MAP3K3: variants seen among roughly 807,000 people sequenced by gnomAD.
MAP3K3 encodes the protein mitogen-activated protein kinase kinase kinase 3, also known as MAP/ERK kinase kinase 3.
Under a neutral mutation model 80.9 loss-of-function variants are expected in MAP3K3, and 12 were observed. The ratio of observed to expected loss-of-function variants is 0.15; its 90% CI spans 0.10 to 0.24. The LOEUF is 0.24. Ranked by LOEUF, MAP3K3 falls within the 10% of genes least tolerant of loss-of-function variation. The pLI, the probability that MAP3K3 is intolerant of heterozygous loss-of-function variation, is 1.00. For synonymous variants in MAP3K3, 272 were observed against 307.1 expected (o/e 0.89, Z 1.19); for missense variants, 596 against 834.7 (o/e 0.71, Z 3.52).
chr17:63,691,750 G>T lies in MAP3K3; in HGVS notation c.1362G>T (p.Gln454His). ...EYMPGGSVKD[Q>H]LKAYGALTES... ...GCCTCCAGGGCTCGGTGAAAGACCAGTTGAAGGCTTACGGTGCTCTGACAG... is the reference window on the plus strand; with the variant it reads ...GCCTCCAGGGCTCGGTGAAAGACCATTTGAAGGCTTACGGTGCTCTGACAG... The change falls in exon 14 of 16, where the codon CAG becomes CAT. Residue 454 changes from glutamine (Q) to histidine (H), a missense_variant. Around this residue, in one of 2 missense-constraint regions of MAP3K3, gnomAD observed 364 missense variants for 588.9 expected, o/e 0.62. Coordinates refer to ENST00000361733, the MANE Select transcript of MAP3K3 (RefSeq NM_002401.5). The surrounding 1 kb of genome is among the most constrained non-coding windows in gnomAD (Gnocchi z 4.8). 1 of 1,614,028 alleles carries T rather than the reference G, an allele frequency of 6.2e-7. No homozygotes were observed. The highest frequency in any genetic ancestry group is 8.5e-7 in the Non-Finnish European group (1 of 1,179,940).
chr17:63,643,682 A>G (rs1284738326), intron 2 of MAP3K3, among the ~76,000 whole-genome samples: 1 of 152,218 alleles, frequency 6.6e-6, no homozygotes. Flanking sequence ...AGGCAGGAAC[A>G]GGTAAAAGGA....
chr17:63,661,850 TC>T (rs1230100137), intron 5 of MAP3K3, among the ~76,000 whole-genome samples: 3 of 152,182 alleles, frequency 2.0e-5, no homozygotes, highest in African/African-American at 7.2e-5. Flanking sequence ...ACGCCTGTAA[TC>T]CCAGCACTTT....
In MAP3K3 at chr17:63,691,600, G is replaced by T; in HGVS notation, c.1345-133G>T. On this transcript the variant is annotated intron_variant, in intron 13 of 15. Transcript: ENST00000361733. This position sits in a 1 kb window ranked among gnomAD's most constrained non-coding sequence, Gnocchi z 4.8. ...TTTTCCAAACTGCCTGACAGCTCCT[G>T]GCAAAATGCCCTGCCCAGCCAGATA... is the stretch of plus-strand genomic sequence containing the variant. 1 of 1,332,366 alleles carries T rather than the reference G, an allele frequency of 7.5e-7. No individual in the cohort carries two copies. The highest frequency in any genetic ancestry group is 1.5e-5 in the African/African-American group (1 of 68,238). 82.5% of individuals were successfully genotyped at this position (1,332,366 alleles called of 1,614,324 possible). A position where few individuals can be genotyped will look rare whatever the true frequency, so the allele number is the denominator to read the frequency against.
Position 63,675,488 on chromosome 17 carries a change from G to A in MAP3K3, c.503-6278G>A, listed in dbSNP as rs146258479. ...AAGGGCTAGAATCTGAGAGCCTGTC[G>A]TTCAGCTTTAAGTCAGAGTACAAAG... On this transcript the variant is annotated intron_variant, in intron 6 of 15. Transcript: ENST00000361733. Among the ~76,000 whole-genome samples, 1,116 of 152,260 alleles carry A rather than the reference G, an allele frequency of 7.3e-3. 12 individuals are homozygous for A. Among genetic ancestry groups the A allele is most frequent in the South Asian group, 0.027 (132 of 4,826 alleles).
intron 1 of MAP3K3, among the ~76,000 whole-genome samples, chr17:63,626,775 C>T (rs1195876389): frequency 1.3e-5 from 2 of 152,234 alleles, no homozygotes; most frequent in Non-Finnish European, 2.9e-5. Flanking sequence ...GAAGCACAGA[C>T]TCTCCTGAGT....
Position 63,691,669 on chromosome 17 carries a change from A to G in MAP3K3, c.1345-64A>G. On this transcript the variant is annotated intron_variant, in intron 13 of 15. Coordinates refer to ENST00000361733, the MANE Select transcript of MAP3K3 (RefSeq NM_002401.5). This position sits in a 1 kb window ranked among gnomAD's most constrained non-coding sequence, Gnocchi z 4.8. The stretch of plus-strand genomic sequence containing the variant: ...CCTTTGCTGCCATGCTGGGGGCTGG[A>G]ATGGGCTTGCCCCTCCACCAGCCCT... The G allele has an allele frequency of 6.3e-7, 1 of 1,576,062 alleles. No individual in the cohort carries two copies. Among genetic ancestry groups the G allele is most frequent in the South Asian group, 1.1e-5 (1 of 87,566 alleles).
chr17:63,691,971 AC>A lies in MAP3K3; in HGVS notation c.1474+113del. 7.7e-7 allele frequency: 1 copy of A among 1,290,392 alleles called. No individual in the cohort carries two copies. 79.9% of individuals were successfully genotyped at this position (1,290,392 alleles called of 1,614,324 possible). A position where few individuals can be genotyped will look rare whatever the true frequency, so the allele number is the denominator to read the frequency against. ...CATTCTGAACTTTCTGAAAAGTGGG[AC>A]CCCAGTTGTTTCCCTGAGGAACTGG... On this transcript the variant is annotated intron_variant, in intron 14 of 15. Transcript: ENST00000361733. This position sits in a 1 kb window ranked among gnomAD's most constrained non-coding sequence, Gnocchi z 4.8.
intron 2 of MAP3K3, among the ~76,000 whole-genome samples, chr17:63,640,442 C>A (rs1346385112): frequency 6.6e-6 from 1 of 152,094 alleles, no homozygotes; most frequent in Non-Finnish European, 1.5e-5. Context: ...TTTGCAGGTC[C>A]ATAATCTGTT....
At chr17:63,635,685 A>G (rs1194657474) in intron 2 of MAP3K3, among the ~76,000 whole-genome samples, 1 of 152,190 alleles carries the variant, frequency 6.6e-6, no homozygotes, top group Non-Finnish European at 1.5e-5. Context: ...ATCATTTAAC[A>G]TCGGATTTTA....
intron 6 of MAP3K3, among the ~76,000 whole-genome samples, 158 bp from the exon 7 acceptor site, chr17:63,681,608 T>C (rs552705492): frequency 2.0e-5 from 3 of 152,308 alleles, no homozygotes; most frequent in African/African-American, 4.8e-5. Context: ...GAAGGGACTT[T>C]GTTTGCCTGA....
intron 3 of MAP3K3, among the ~76,000 whole-genome samples, chr17:63,650,681 AG>A (rs1451679008): frequency 3.4e-5 from 5 of 147,802 alleles, no homozygotes; most frequent in African/African-American, 1.3e-4. Context: ...AGAGAGAGAG[AG>A]AGAGAGAGAG....
At chr17:63,642,835 C>A (rs546851917) in intron 2 of MAP3K3, among the ~76,000 whole-genome samples, 2 of 152,028 alleles carry the variant, frequency 1.3e-5, no homozygotes, top group African/African-American at 4.8e-5. Context: ...TGGCTCACTG[C>A]AACCTCAAGC....
chr17:63,643,392 A>C (rs2034482419), intron 2 of MAP3K3, among the ~76,000 whole-genome samples: 1 of 152,034 alleles, frequency 6.6e-6, no homozygotes, highest in African/African-American at 2.4e-5. Flanking sequence ...TTGTAGTCCC[A>C]GCTACATGGG....
At chr17:63,633,766 C>T (rs923858478) in intron 2 of MAP3K3, among the ~76,000 whole-genome samples, 3 of 152,154 alleles carry the variant, frequency 2.0e-5, no homozygotes, top group African/African-American at 7.2e-5. Flanking sequence ...AGTGGGTATC[C>T]AGTGCTGTGT....
intron 5 of MAP3K3, among the ~76,000 whole-genome samples, chr17:63,663,885 A>G (rs181553400): frequency 1.1e-4 from 16 of 152,186 alleles, no homozygotes; most frequent in Admixed American, 1.0e-3. Context: ...TGTCTCAAAA[A>G]CAAAAAAGAT....
At chr17:63,688,158 G>A (rs2035499054) in intron 8 of MAP3K3, 1 of 288,234 alleles carries the variant, frequency 3.5e-6, no homozygotes, top group Non-Finnish European at 6.6e-6. Context: ...AGGTAAGAAA[G>A]CAGCAGCCTA....
intron 3 of MAP3K3, among the ~76,000 whole-genome samples, chr17:63,648,373 G>T (rs1447996779): frequency 6.6e-6 from 1 of 152,182 alleles, no homozygotes; most frequent in African/African-American, 2.4e-5. Flanking sequence ...CACTGTTGCT[G>T]AGGCCTTGAA....
intron 6 of MAP3K3, chr17:63,668,105 C>T (rs1214341649): frequency 6.6e-6 from 1 of 152,216 alleles, no homozygotes; most frequent in Non-Finnish European, 1.5e-5. Context: ...GTGGAGACCC[C>T]TGCTGCTGCT....
At chr17:63,673,224 C>A (rs1598104104) in intron 6 of MAP3K3, among the ~76,000 whole-genome samples, 1 of 152,294 alleles carries the variant, frequency 6.6e-6, no homozygotes, top group South Asian at 2.1e-4. Context: ...TCTAGTGCTG[C>A]TCCCTTGAGC....
Sources: allele counts gnomAD v4.1 joint callset (sites outside exome capture counted in the v4.1 genomes callset), GRCh38; gene constraint gnomAD v4.1.1; regional missense constraint gnomAD v4.1.1; non-coding constraint Gnocchi (gnomAD v3.1); transcripts MANE v1.5; gene names NCBI Gene and HGNC (gene_info 2026-07-23, HGNC 2026-07-21).